SFSWAP: variants seen among roughly 807,000 people sequenced by gnomAD.
SFSWAP encodes the protein splicing factor, suppressor of white-apricot homolog.
A neutral mutation model predicts 100.7 loss-of-function variants in SFSWAP; 17 were observed. The ratio of observed to expected loss-of-function variants is 0.17; its 90% confidence interval spans 0.12 to 0.25. SFSWAP has a LOEUF of 0.25. SFSWAP is among the 10% of genes least tolerant of loss of function. The pLI is 1.00. For synonymous variants in SFSWAP, 504 were observed against 510.1 expected, an observed-to-expected ratio of 0.99 and a Z score of 0.16; for missense variants, 1,005 against 1,262.6, an observed-to-expected ratio of 0.80 and a Z score of 3.09.
chr12:131,783,368 G>C (rs1314989338), intron 14 of SFSWAP: 3 of 152,094 alleles, frequency 2.0e-5, no homozygotes, highest in African/African-American at 7.2e-5. Flanking sequence ...CTTTTGCTAA[G>C]ATAGTCTCTT....
chr12:131,746,763 A>G (rs1411786918), intron 7 of SFSWAP, among the ~76,000 whole-genome samples: 2 of 152,152 alleles, frequency 1.3e-5, no homozygotes, highest in East Asian at 3.9e-4. Flanking sequence ...TTCCCTAAGA[A>G]TGTGGGTGCT....
chr12:131,783,857 G>T (rs930432301), intron 14 of SFSWAP: 2 of 137,264 alleles, frequency 1.5e-5, no homozygotes, highest in Non-Finnish European at 3.1e-5. Context: ...AAATACTTGG[G>T]GTTGGTGAAG....
intron 3 of SFSWAP, among the ~76,000 whole-genome samples, chr12:131,715,185 G>A (rs1047437184): frequency 2.0e-4 from 30 of 152,138 alleles, no homozygotes; most frequent in African/African-American, 6.8e-4. Context: ...TCATTGATTC[G>A]GGTAACAGAA....
intron 4 of SFSWAP, among the ~76,000 whole-genome samples, chr12:131,722,688 C>T (rs1343497850): frequency 1.3e-5 from 2 of 152,030 alleles, no homozygotes; most frequent in Non-Finnish European, 2.9e-5. Context: ...CGGCTCATGT[C>T]TGTGATCCCA....
rs1171233559 is a variant in SFSWAP, at chr12:131,754,219, C to T, written c.1323-149C>T. ...AGTTGACTTTAGTTTCTGTCGTGTG[C>T]ATCACCTTCAACAAGAGCCTCCCCT... On this transcript the variant is annotated intron_variant, in intron 8 of 17. Coordinates refer to ENST00000261674, the MANE Select transcript of SFSWAP (RefSeq NM_004592.4). The T allele has an allele frequency of 2.3e-4, 102 of 435,388 alleles. 1 individual carries two copies. In the East Asian group the frequency reaches 3.9e-3, roughly 16 times the overall value. 27.0% of individuals were successfully genotyped at this position (435,388 alleles called of 1,614,324 possible). A position where few individuals can be genotyped will look rare whatever the true frequency, so the allele number is the denominator to read the frequency against.
At chr12:131,766,353 A>G (rs779390290) in intron 13 of SFSWAP, 45 bp downstream of exon 13, 8 of 1,563,034 alleles carry the variant, frequency 5.1e-6, no homozygotes, top group Middle Eastern at 1.9e-4. Flanking sequence ...TGTGTGATAC[A>G]TAGAGGCAGG....
At position 131,711,509 on chromosome 12, in the gene SFSWAP, GTTGAC is replaced by G. The variant is rs1306631314; in HGVS notation, c.218+69_218+73del. 5.7e-6 allele frequency: 8 copies of G among 1,402,048 alleles called. 1 individual carries two copies. The East Asian group carries it at 6.9e-5, about 12-fold the overall frequency. 86.9% of individuals were successfully genotyped at this position (1,402,048 alleles called of 1,614,324 possible). On this transcript the variant is annotated intron_variant, in intron 1 of 17. Transcript: ENST00000261674. This position sits in a 1 kb window ranked among gnomAD's most constrained non-coding sequence, Gnocchi z 4.9. ...CCTCACCCGCTTGATCTCGTCTGAT[GTTGAC>G]TTGACTGCAAGGACTGCAGAGAGTT...
intron 15 of SFSWAP, among the ~76,000 whole-genome samples, chr12:131,788,125 A>G (rs1885019730): frequency 6.6e-6 from 1 of 152,218 alleles, no homozygotes; most frequent in South Asian, 2.1e-4. Flanking sequence ...TTCCGTCTCA[A>G]CAGAAGAGGC....
intron 7 of SFSWAP, among the ~76,000 whole-genome samples, chr12:131,729,051 C>T (rs139967148): frequency 2.0e-5 from 3 of 152,166 alleles, no homozygotes; most frequent in Admixed American, 6.6e-5. Context: ...CTTCCCTTAC[C>T]TCTCAGTGGC....
Position 131,728,362 on chromosome 12 carries a change from A to G in SFSWAP, c.1015A>G (p.Thr339Ala). The G allele has an allele frequency of 1.9e-6, 3 of 1,613,708 alleles. No individual in the cohort carries two copies. The highest frequency in any genetic ancestry group is 2.5e-6 in the Non-Finnish European group (3 of 1,179,930). ...LVRKAQADSSTPTPHNADGAP... is the reference protein window; with the variant it reads ...LVRKAQADSSAPTPHNADGAP... ...TCGTAAGGCACAGGCTGACAGTTCC[A>G]CTCCCACCCCACACAACGCAGACGG... The change falls in exon 7 of 18, where the codon ACT (threonine) becomes GCT (alanine). Residue 339 changes from threonine to alanine, a missense_variant. Around this residue, in one of 7 missense-constraint regions of SFSWAP, gnomAD observed 311 missense variants for 317.8 expected, o/e 0.98. Transcript: ENST00000261674.
chr12:131,786,097 C>T (rs1186032245), intron 14 of SFSWAP, among the ~76,000 whole-genome samples: 1 of 152,166 alleles, frequency 6.6e-6, no homozygotes, highest in African/African-American at 2.4e-5. Context: ...GAAGCGCCAG[C>T]CTGAGGTGGT....
At chr12:131,751,514 G>T (rs1881625950) in intron 7 of SFSWAP, among the ~76,000 whole-genome samples, 1 of 152,266 alleles carries the variant, frequency 6.6e-6, no homozygotes, top group Admixed American at 6.5e-5. Context: ...CTCTCCCCTG[G>T]AGTGCTGGCT....
chr12:131,724,181 A>G (rs1878747580), intron 4 of SFSWAP, among the ~76,000 whole-genome samples: 1 of 152,228 alleles, frequency 6.6e-6, no homozygotes, highest in Non-Finnish European at 1.5e-5. Flanking sequence ...TATATAACAA[A>G]TAGGCCTACT....
In SFSWAP at chr12:131,714,136, G is replaced by C. The variant is rs376296194; in HGVS notation, c.284G>C (p.Arg95Thr). The C allele has an allele frequency of 2.5e-6, 4 of 1,613,992 alleles. No individual in the cohort carries two copies. Among genetic ancestry groups the C allele is most frequent in the Non-Finnish European group, 3.4e-6 (4 of 1,180,000 alleles). Residue 95 changes from arginine to threonine, a missense_variant, in exon 2 of 18, where the codon AGA becomes ACA. Arg to Thr is a moderately conservative substitution (Grantham distance 71, BLOSUM62 -1). This residue lies in a region of SFSWAP where 237 missense variants were observed against 337.0 expected (regional missense o/e 0.70). Coordinates refer to ENST00000261674, the MANE Select transcript of SFSWAP (RefSeq NM_004592.4). This position sits in a 1 kb window ranked among gnomAD's most constrained non-coding sequence, Gnocchi z 6.0. ...GATGCTGAGTATTCCACGTGGAACA[G>C]AGATTATCAGCTGTCTGAAGAGGAG... ...EYDAEYSTWNRDYQLSEEEAR... is the reference protein window; with the variant it reads ...EYDAEYSTWNTDYQLSEEEAR...
chr12:131,781,234 ATTTTT>A (rs66608201), intron 14 of SFSWAP, among the ~76,000 whole-genome samples: 3 of 102,300 alleles, frequency 2.9e-5, no homozygotes, highest in East Asian at 2.9e-4. Flanking sequence ...ATATCTTATT[ATTTTT>A]TTTTTTTTTT....
Position 131,713,463 on chromosome 12 carries a change from T to A in SFSWAP, c.219-608T>A, listed in dbSNP as rs1260162842. On this transcript the variant is annotated intron_variant, in intron 1 of 17. Transcript: ENST00000261674. Reference sequence around the variant, plus strand: ...TCCTTAAACTGCATGTATATGTCACTGTTCCAATGTATGTGTGTCTCTCTA... The same window carrying A: ...TCCTTAAACTGCATGTATATGTCACAGTTCCAATGTATGTGTGTCTCTCTA... 5 of 152,262 alleles carry A rather than the reference T, an allele frequency of 3.3e-5. No homozygotes were observed. In the East Asian group the frequency reaches 9.6e-4, roughly 29 times the overall value. 9.4% of individuals were successfully genotyped at this position (152,262 alleles called of 1,614,324 possible). A position where few individuals can be genotyped will look rare whatever the true frequency, so the allele number is the denominator to read the frequency against.
At chr12:131,763,004 G>A (rs948245428) in intron 11 of SFSWAP, among the ~76,000 whole-genome samples, 3 of 152,036 alleles carry the variant, frequency 2.0e-5, no homozygotes, top group East Asian at 1.9e-4. Context: ...TTCAGCTGCC[G>A]GCCCTGCTGC....
chr12:131,749,409 G>C (rs1881419819), intron 7 of SFSWAP, among the ~76,000 whole-genome samples: 1 of 152,232 alleles, frequency 6.6e-6, no homozygotes, highest in Admixed American at 6.5e-5. Flanking sequence ...CCAGACTTCA[G>C]TTTGTAGACT....
Position 131,711,289 on chromosome 12 carries a change from G to C in SFSWAP, c.60G>C (p.Glu20Asp), listed in dbSNP as rs1877302766. The C allele has an allele frequency of 1.2e-6, 2 of 1,613,052 alleles. No individual in the cohort carries two copies. The highest frequency in any genetic ancestry group is 4.5e-5 in the East Asian group (2 of 44,864). Residue 20 changes from glutamate (E) to aspartate (D), a missense_variant, in exon 1 of 18, where the codon GAG becomes GAC. This residue lies in a region of SFSWAP where 237 missense variants were observed against 337.0 expected (regional missense o/e 0.70). Transcript: ENST00000261674. This position sits in a 1 kb window ranked among gnomAD's most constrained non-coding sequence, Gnocchi z 4.9. The stretch of plus-strand genomic sequence containing the variant: ...AGAGGAAAAGCGGCGCGAAGGAGGA[G>C]GCCGGGCCAGGCGGTGCCGGCGGTG... ...KPERKSGAKE[E>D]AGPGGAGGGG...
Sources: gnomAD v4.1 joint callset for allele counts (sites outside exome capture counted in the v4.1 genomes callset) on GRCh38, gnomAD v4.1.1 for gene constraint, gnomAD v4.1.1 regional missense constraint, Gnocchi (gnomAD v3.1) non-coding constraint, MANE v1.5 for transcripts, NCBI Gene and HGNC (gene_info 2026-07-23, HGNC 2026-07-21) for gene names.